PGM5: variants seen among roughly 807,000 people sequenced by gnomAD.
The protein encoded by PGM5 is phosphoglucomutase-like protein 5.
In PGM5, 23 loss-of-function variants were observed where a neutral mutation model predicts 59.2. The observed-to-expected ratio is 0.39, with a 90% CI of 0.28 to 0.55. The LOEUF is 0.55. PGM5 is among the 20% of genes least tolerant of loss of function. The probability of loss-of-function intolerance (pLI) is 0.66; values close to 1 mark genes in which losing one functional copy is unlikely to be tolerated. For synonymous variants in PGM5, 214 were observed against 286.0 expected (o/e 0.75, Z 2.54); for missense variants, 574 against 748.3 (o/e 0.77, Z 2.72).
intron 6 of PGM5, among the ~76,000 whole-genome samples, chr9:68,415,048 C>A (rs1410003421): frequency 1.3e-5 from 2 of 148,930 alleles, no homozygotes; most frequent in African/African-American, 5.2e-5. Context: ...AAAGAAGGCA[C>A]CATGTTATGT....
chr9:68,374,964 C>T (rs1414713398), intron 1 of PGM5, among the ~76,000 whole-genome samples: 17 of 151,902 alleles, frequency 1.1e-4, no homozygotes, highest in African/African-American at 3.9e-4. Context: ...TGGGGACTCA[C>T]ATGAGGTCAC....
rs534750837 is a variant in PGM5, at chr9:68,375,239, A to C, written c.262-2960A>C. Among the ~76,000 whole-genome samples, 920 of 152,312 alleles carry C rather than the reference A, an allele frequency of 6.0e-3. 9 individuals are homozygous for C. Among genetic ancestry groups the C allele is most frequent in the African/African-American group, 0.021 (858 of 41,566 alleles). On this transcript the variant is annotated intron_variant, in intron 1 of 10. Coordinates refer to ENST00000396396, the MANE Select transcript of PGM5 (RefSeq NM_021965.4). ...TCACACACAATCACTTCTGCAATAT[A>C]TACTGATTACCCAGATCTGCATCGT...
At chr9:68,500,925 A>G (rs1352544343) in intron 10 of PGM5, among the ~76,000 whole-genome samples, 2 of 151,250 alleles carry the variant, frequency 1.3e-5, no homozygotes, top group African/African-American at 4.9e-5. Flanking sequence ...TACACACAAG[A>G]GTCTCTCCCT....
intron 10 of PGM5, among the ~76,000 whole-genome samples, chr9:68,517,833 T>C (rs1824844860): frequency 6.6e-6 from 1 of 152,232 alleles, no homozygotes; most frequent in African/African-American, 2.4e-5. Flanking sequence ...TAAAGCATCT[T>C]ATTAAAAGCA....
intron 5 of PGM5, 36 bp downstream of exon 5, chr9:68,391,760 A>G (rs782186029): frequency 1.9e-5 from 31 of 1,602,298 alleles, no homozygotes; most frequent in Non-Finnish European, 2.6e-5. Flanking sequence ...TGACCCTTTG[A>G]TCATATAATG....
chr9:68,505,763 T>G (rs782733547), intron 10 of PGM5, among the ~76,000 whole-genome samples: 1 of 152,188 alleles, frequency 6.6e-6, no homozygotes, highest in Non-Finnish European at 1.5e-5. Flanking sequence ...AGTGTTCTTA[T>G]GGAGTTTTCA....
At chr9:68,488,238 C>T (rs1183215688) in intron 9 of PGM5, among the ~76,000 whole-genome samples, 1 of 152,036 alleles carries the variant, frequency 6.6e-6, no homozygotes, top group African/African-American at 2.4e-5. Flanking sequence ...CATATTTCTC[C>T]CCCTCTCCCA....
intron 6 of PGM5, among the ~76,000 whole-genome samples, chr9:68,401,794 T>C (rs1563994763): frequency 6.6e-6 from 1 of 152,134 alleles, no homozygotes; most frequent in Non-Finnish European, 1.5e-5. Context: ...ATCAATCCCA[T>C]TGATTACTGC....
intron 9 of PGM5, among the ~76,000 whole-genome samples, chr9:68,489,742 T>C (rs1366954533): frequency 6.6e-6 from 1 of 152,140 alleles, no homozygotes; most frequent in African/African-American, 2.4e-5. Context: ...AACTCCTATA[T>C]TTCTAACAAG....
At chr9:68,403,458 G>T (rs1822719477) in intron 6 of PGM5, among the ~76,000 whole-genome samples, 1 of 152,212 alleles carries the variant, frequency 6.6e-6, no homozygotes, top group Admixed American at 6.5e-5. Context: ...CCCCCAGTCT[G>T]TGGAAAAATT....
chr9:68,519,141 A>G lies in PGM5; in HGVS notation c.1615-10426A>G, dbSNP rs371530244. On this transcript the variant is annotated intron_variant, in intron 10 of 10. Coordinates refer to ENST00000396396, the MANE Select transcript of PGM5 (RefSeq NM_021965.4). Reference sequence around the variant, plus strand: ...AGCGAAATAAACACATCTTCAGATAAACAAAAGCTGAGAGAGTATCTACAC... The same window carrying G: ...AGCGAAATAAACACATCTTCAGATAGACAAAAGCTGAGAGAGTATCTACAC... 1.9e-3 allele frequency among the ~76,000 whole-genome samples: 286 copies of G among 152,238 alleles called. 1 individual carries two copies. Among genetic ancestry groups the G allele is most frequent in the African/African-American group, 6.7e-3 (279 of 41,540 alleles).
intron 1 of PGM5, among the ~76,000 whole-genome samples, chr9:68,363,629 G>GA (rs1315867506): frequency 5.9e-5 from 9 of 152,262 alleles, no homozygotes; most frequent in Non-Finnish European, 1.0e-4. Flanking sequence ...GAGTATGGCA[G>GA]AAAAAACCCT....
chr9:68,419,405 C>T (rs1453324072), intron 6 of PGM5, among the ~76,000 whole-genome samples: 1 of 152,198 alleles, frequency 6.6e-6, no homozygotes, highest in Non-Finnish European at 1.5e-5. Context: ...GCTTCTCCCC[C>T]TCCATTTCCA....
chr9:68,365,200 A>G (rs1435383615), intron 1 of PGM5, among the ~76,000 whole-genome samples: 2 of 144,864 alleles, frequency 1.4e-5, no homozygotes, highest in Non-Finnish European at 3.0e-5. Context: ...ATGAGCAAGC[A>G]CTGTAATAAC....
chr9:68,529,630 C>T lies in PGM5; in HGVS notation c.1678C>T (p.Arg560Trp), dbSNP rs190312271. Reference protein sequence around the residue: ...KISQIHERTGRRGPTVIT With the variant: ...KISQIHERTGWRGPTVIT ...ATCCCAGATTCATGAGAGAACTGGC[C>T]GGAGGGGACCCACTGTCATCACCTG... The change falls in exon 11 of 11, where the codon CGG becomes TGG. Residue 560 changes from arginine to tryptophan, a missense_variant. Arg to Trp is a moderately radical substitution (Grantham distance 101). Around this residue, in one of 7 missense-constraint regions of PGM5, gnomAD observed 300 missense variants for 280.0 expected, o/e 1.07. Transcript: ENST00000396396. The T allele has an allele frequency of 1.8e-4, 289 of 1,598,958 alleles. 1 individual carries two copies. In the African/African-American group the frequency reaches 3.1e-3, roughly 17 times the overall value.
At chr9:68,366,910 A>T (rs1834689989) in intron 1 of PGM5, among the ~76,000 whole-genome samples, 1 of 151,364 alleles carries the variant, frequency 6.6e-6, no homozygotes, top group South Asian at 2.1e-4. Flanking sequence ...GGACGAGATC[A>T]TGTGTGTTTT....
At chr9:68,367,446 G>A (rs749271871) in intron 1 of PGM5, among the ~76,000 whole-genome samples, 6 of 152,176 alleles carry the variant, frequency 3.9e-5, no homozygotes, top group Non-Finnish European at 5.9e-5. Flanking sequence ...GAGACTCCAC[G>A]CTAATCTGCT....
At chr9:68,483,096 C>T (rs181432258) in intron 8 of PGM5, among the ~76,000 whole-genome samples, 1 of 151,974 alleles carries the variant, frequency 6.6e-6, no homozygotes, top group East Asian at 1.9e-4. Flanking sequence ...CCTTCCTTTC[C>T]TTTCTCCCAT....
At chr9:68,450,179 A>G (rs1337066562) in intron 6 of PGM5, among the ~76,000 whole-genome samples, 1 of 152,316 alleles carries the variant, frequency 6.6e-6, no homozygotes, top group South Asian at 2.1e-4. Context: ...TTAATTGATC[A>G]TTGTCATTTG....
Sources: allele counts gnomAD v4.1 joint callset (sites outside exome capture counted in the v4.1 genomes callset), GRCh38; gene constraint gnomAD v4.1.1; regional missense constraint gnomAD v4.1.1; transcripts MANE v1.5; gene names NCBI Gene and HGNC (gene_info 2026-07-23, HGNC 2026-07-21).